The following LPA variants were observed in gnomAD, a reference collection of about 807,000 sequenced individuals.
The protein encoded by LPA is lipoprotein(a), also known as apolipoprotein(a).
A neutral mutation model predicts 197.9 loss-of-function variants in LPA; 199 were observed. The observed-to-expected ratio is 1.01, with a 90% CI of 0.90 to 1.13. The LOEUF (loss-of-function observed/expected upper bound fraction) is 1.13. Among genes scored for constraint, LPA ranks in the 50% most tolerant of loss-of-function variants. The pLI, the probability that LPA is intolerant of heterozygous loss-of-function variation, is 0.00. For missense variants in LPA, 1,853 were observed against 1,785.8 expected (o/e 1.04, Z -0.68); for synonymous variants, 715 against 639.5 (o/e 1.12, Z -1.78).
chr6:160,578,581 A>G lies in LPA; in HGVS notation c.4413T>C (p.Ser1471=). 1 of 1,613,880 alleles carries G rather than the reference A, an allele frequency of 6.2e-7. No homozygotes were observed. Among genetic ancestry groups the G allele is most frequent in the Non-Finnish European group, 8.5e-7 (1 of 1,179,902 alleles). Residue 1471 remains serine, a synonymous_variant, in exon 27 of 39, where the codon AGT becomes AGC. Transcript: ENST00000316300. ...NLTRCPVTES[S]VLTTPTVAPV... ...GGGCCACTGTGGGAGTTGTGAGGAC[A>G]CTCGATTCTGTCACTGGACATCGTG...
At chr6:160,536,711 C>T (rs1422234341) in intron 37 of LPA, among the ~76,000 whole-genome samples, 1 of 152,176 alleles carries the variant, frequency 6.6e-6, no homozygotes, top group Non-Finnish European at 1.5e-5. Context: ...CCCATAGGTG[C>T]CCCTCATTTG....
At chr6:160,606,087 G>A in intron 17 of LPA, among the ~76,000 whole-genome samples, 1 of 152,314 alleles carries the variant, frequency 6.6e-6, no homozygotes, top group South Asian at 2.1e-4. Context: ...CTCTGAATCT[G>A]CAATGCTGAA....
At chr6:160,599,265 C>G (rs532638105) in intron 20 of LPA, among the ~76,000 whole-genome samples, 1 of 152,158 alleles carries the variant, frequency 6.6e-6, no homozygotes, top group Non-Finnish European at 1.5e-5. Context: ...ATGGTGTGAA[C>G]CCGGGAGGCG....
intron 26 of LPA, among the ~76,000 whole-genome samples, chr6:160,580,023 C>T (rs543106560): frequency 1.3e-4 from 20 of 152,324 alleles, no homozygotes; most frequent in African/African-American, 4.8e-4. Flanking sequence ...CCTTGTGTGG[C>T]TGCTCAATCA....
At chr6:160,635,700 T>C (rs1779804342) in intron 6 of LPA, among the ~76,000 whole-genome samples, 1 of 114,022 alleles carries the variant, frequency 8.8e-6, no homozygotes, top group African/African-American at 3.9e-5. Flanking sequence ...TGCATCTGTA[T>C]CTGTCTAGTC....
chr6:160,605,012 C>T (rs1161229374), intron 18 of LPA, 34 bp downstream of exon 18: 4 of 1,612,170 alleles, frequency 2.5e-6, no homozygotes, highest in African/African-American at 1.3e-5. Context: ...TCCACTGACC[C>T]TTCCTTCACT....
intron 4 of LPA, among the ~76,000 whole-genome samples, chr6:160,642,784 G>GT (rs1416773647): frequency 4.4e-4 from 26 of 58,538 alleles, no homozygotes; most frequent in South Asian, 1.3e-3. Context: ...TACAGGTTGG[G>GT]TTTTTTTTCC....
intron 1 of LPA, among the ~76,000 whole-genome samples, chr6:160,657,712 C>T (rs1780155721): frequency 6.6e-6 from 1 of 152,102 alleles, no homozygotes; most frequent in South Asian, 2.1e-4. Flanking sequence ...AGAACCTTTT[C>T]TAAGTCCCCG....
At chr6:160,539,436 GTTGTGTGGGTTTTTTTTTTTTTTGACA>G (rs1777943354) in intron 36 of LPA, among the ~76,000 whole-genome samples, 1 of 147,998 alleles carries the variant, frequency 6.8e-6, no homozygotes, top group African/African-American at 2.6e-5. Flanking sequence ...TAAATTGTAT[GTTGTGTGGGTTTTTTTTTTTTTTGACA>G]TTGTGGAATA....
chr6:160,571,402 C>T (rs1778559237), intron 28 of LPA, among the ~76,000 whole-genome samples: 2 of 152,164 alleles, frequency 1.3e-5, no homozygotes, highest in Non-Finnish European at 2.9e-5. Context: ...AGCTCTAGTG[C>T]TGTGTTGGGG....
chr6:160,635,035 C>A lies in LPA; in HGVS notation c.1075+88G>T, dbSNP rs548022406. On this transcript the variant is annotated intron_variant, in intron 7 of 38. Transcript: ENST00000316300. ...CCGGCAACACTCGAGCATCCGTTTA[C>A]CATTGAAGGCGGCTGCATCAGTGGG... The A allele has an allele frequency of 1.7e-3, 2,527 of 1,502,312 alleles. 14 individuals carry two copies. Among genetic ancestry groups the A allele is most frequent in the Non-Finnish European group, 1.8e-3 (2,016 of 1,091,802 alleles). The allele number at this position is 1,502,312 out of a possible 1,614,324, so 93.1% of individuals were successfully genotyped here.
chr6:160,557,665 A>C (rs1778288827), intron 28 of LPA, 94 bp from the exon 29 acceptor site: 1 of 1,118,502 alleles, frequency 8.9e-7, no homozygotes, highest in Non-Finnish European at 1.4e-6. Context: ...AAGTGTTAAA[A>C]AGTGACGTTG....
In LPA at chr6:160,601,046, A is replaced by G; in HGVS notation, c.2998T>C (p.Cys1000Arg). Residue 1000 changes from cysteine (C) to arginine (R), a missense_variant, in exon 19 of 39, where the codon TGT (cysteine) becomes CGT (arginine). Physicochemically the swap from Cys to Arg is radical, Grantham distance 180 (BLOSUM62 -3). Coordinates refer to ENST00000316300, the MANE Select transcript of LPA (RefSeq NM_005577.4). ...CTGACACTGGGATCTGTTGTATAAC[A>G]CCAAGGGGCTGCCACAGGATCTGGA... ...RNPDPVAAPW[C>R]YTTDPSVRWE... 6.2e-7 allele frequency: 1 copy of G among 1,614,144 alleles called. No homozygotes were observed. Among genetic ancestry groups the G allele is most frequent in the Non-Finnish European group, 8.5e-7 (1 of 1,179,978 alleles).
intron 33 of LPA, among the ~76,000 whole-genome samples, chr6:160,545,031 G>A (rs1321419242): frequency 1.3e-5 from 2 of 152,062 alleles, no homozygotes; most frequent in African/African-American, 2.4e-5. Context: ...TACATGCTTA[G>A]CTGTTTCCTG....
chr6:160,577,224 A>C lies in LPA; in HGVS notation c.4543T>G (p.Ser1515Ala), dbSNP rs748121451. 2 of 1,613,876 alleles carry C rather than the reference A, an allele frequency of 1.2e-6. No individual in the cohort carries two copies. Among genetic ancestry groups the C allele is most frequent in the Admixed American group, 3.3e-5 (2 of 60,006 alleles). Residue 1515 changes from serine to alanine, a missense_variant, in exon 28 of 39, where the codon TCC becomes GCC. By Grantham distance (99) the Ser-to-Ala change is moderately conservative. Around this residue, in one of 3 missense-constraint regions of LPA, gnomAD observed 1,737 missense variants for 1,504.4 expected, o/e 1.15. Transcript: ENST00000316300. ...CAGGTCCTTCCTGTGACAGTGGTGG[A>C]GGATATGCCTCGATAACTCCGTCCA... ...GDGRSYRGIS[S>A]TTVTGRTCQS...
intron 28 of LPA, among the ~76,000 whole-genome samples, chr6:160,576,348 A>G (rs1278943452): frequency 1.9e-3 from 37 of 19,210 alleles, no homozygotes; most frequent in African/African-American, 9.3e-3. Context: ...GTGTATATAT[A>G]TATATATATA....
At position 160,635,125 on chromosome 6, in the gene LPA, T is replaced by G. The variant is rs1779786850; in HGVS notation, c.1073A>C (p.Gln358Pro). The G allele has an allele frequency of 6.8e-7, 1 of 1,476,410 alleles. No homozygotes were observed. Among genetic ancestry groups the G allele is most frequent in the African/African-American group, 1.6e-5 (1 of 64,174 alleles). 91.5% of individuals were successfully genotyped at this position (1,476,410 alleles called of 1,614,324 possible). ...PVPSLEAPSE[Q>P]APTEQRPGVQ... Reference sequence around the variant, plus strand: ...ATGTCTGGCCACAGACTCCTTACCTTGTTCGGAAGGAGCCTCTAGGCTTGG... The same window carrying G: ...ATGTCTGGCCACAGACTCCTTACCTGGTTCGGAAGGAGCCTCTAGGCTTGG... Residue 358 changes from glutamine to proline, a missense_variant and splice_region_variant, in exon 7 of 39, where the codon CAA becomes CCA. Around this residue, in one of 3 missense-constraint regions of LPA, gnomAD observed 28 missense variants for 198.4 expected, o/e 0.14. Coordinates refer to ENST00000316300, the MANE Select transcript of LPA (RefSeq NM_005577.4).
intron 16 of LPA, among the ~76,000 whole-genome samples, chr6:160,606,888 G>C (rs1292569523): frequency 6.6e-6 from 1 of 152,084 alleles, no homozygotes; most frequent in South Asian, 2.1e-4. Context: ...AGTAGCAAAC[G>C]CTTCTTAGAA....
intron 30 of LPA, 86 bp from the exon 31 acceptor site, chr6:160,548,745 G>C: frequency 7.3e-7 from 1 of 1,361,844 alleles, no homozygotes; most frequent in Middle Eastern, 1.8e-4. Context: ...TTCTAACAAA[G>C]TCTTAACAAG....
Sources: gnomAD v4.1 joint callset for allele counts (sites outside exome capture counted in the v4.1 genomes callset) on GRCh38, gnomAD v4.1.1 for gene constraint, gnomAD v4.1.1 regional missense constraint, MANE v1.5 for transcripts, NCBI Gene and HGNC (gene_info 2026-07-23, HGNC 2026-07-21) for gene names.